The following SLF1 variants were observed in gnomAD, a reference collection of about 807,000 sequenced individuals.
SLF1 encodes the protein SMC5-SMC6 complex localization factor protein 1.
A neutral mutation model predicts 123.0 loss-of-function variants in SLF1; 105 were observed. That is an observed-to-expected ratio of 0.85 (90% CI 0.73 to 1.00). The LOEUF is 1.00. Among genes scored for constraint, SLF1 ranks in the 50% least tolerant of loss-of-function variants. The pLI, the probability that SLF1 is intolerant of heterozygous loss-of-function variation, is 0.00. For missense variants in SLF1, 1,239 were observed against 1,223.0 expected (o/e 1.01, Z -0.20); for synonymous variants, 434 against 406.6 (o/e 1.07, Z -0.81).
intron 14 of SLF1, among the ~76,000 whole-genome samples, chr5:94,672,599 G>A (rs1175642464): frequency 6.6e-6 from 1 of 151,546 alleles, no homozygotes; most frequent in Non-Finnish European, 1.5e-5. Context: ...CTTCAGCTAT[G>A]TCCAGTATAT....
chr5:94,667,172 C>T (rs949406699), intron 12 of SLF1, among the ~76,000 whole-genome samples: 10 of 152,148 alleles, frequency 6.6e-5, no homozygotes, highest in African/African-American at 1.7e-4. Flanking sequence ...TGAGTACTTA[C>T]GGAGAGCCAG....
intron 5 of SLF1, among the ~76,000 whole-genome samples, chr5:94,649,028 C>G (rs1747383719): frequency 6.6e-6 from 1 of 152,038 alleles, no homozygotes; most frequent in Non-Finnish European, 1.5e-5. Context: ...GTAACCTTTT[C>G]CTCTCTATGT....
intron 14 of SLF1, among the ~76,000 whole-genome samples, chr5:94,672,352 T>C (rs903331859): frequency 6.6e-6 from 1 of 152,108 alleles, no homozygotes; most frequent in African/African-American, 2.4e-5. Context: ...AGATCCATTT[T>C]CTCTTCTCTA....
chr5:94,667,589 C>T (rs1217307838), intron 12 of SLF1, among the ~76,000 whole-genome samples: 2 of 152,132 alleles, frequency 1.3e-5, no homozygotes, highest in Non-Finnish European at 2.9e-5. Context: ...GAAGATGGTT[C>T]AGATTTCTTA....
Position 94,629,192 on chromosome 5 carries a change from T to A in SLF1, c.190+25T>A, listed in dbSNP as rs754216444. The stretch of plus-strand genomic sequence containing the variant: ...GGTAAGTTAACTGTCTTCCCCCAAC[T>A]TTTAAAAACAATCTTCGTGTTAAAG... On this transcript the variant is annotated intron_variant, in intron 3 of 20. Transcript: ENST00000265140. 2.6e-6 allele frequency: 4 copies of A among 1,521,316 alleles called. No homozygotes were observed. In the African/African-American group the frequency reaches 5.6e-5, roughly 21 times the overall value. The allele number at this position is 1,521,316 out of a possible 1,614,324, so 94.2% of individuals were successfully genotyped here.
At chr5:94,664,439 C>T (rs755261282) in intron 11 of SLF1, among the ~76,000 whole-genome samples, 1 of 152,248 alleles carries the variant, frequency 6.6e-6, no homozygotes, top group South Asian at 2.1e-4. Flanking sequence ...GGACTGTAGG[C>T]GCATGCCACC....
At chr5:94,635,300 A>G in intron 4 of SLF1, among the ~76,000 whole-genome samples, 1 of 132,290 alleles carries the variant, frequency 7.6e-6, no homozygotes, top group Non-Finnish European at 1.6e-5. Flanking sequence ...GTGTCCTCAG[A>G]GGTGAAGTTG....
At chr5:94,669,963 A>C (rs1307495657) in intron 12 of SLF1, among the ~76,000 whole-genome samples, 188 bp from the exon 13 acceptor site, 1 of 151,708 alleles carries the variant, frequency 6.6e-6, no homozygotes, top group East Asian at 1.9e-4. Flanking sequence ...AGAATTAAGT[A>C]CTCATGAGAT....
At position 94,627,743 on chromosome 5, in the gene SLF1, T is replaced by C. The variant is rs1297246700; in HGVS notation, c.1-1068T>C. 1.6e-4 allele frequency among the ~76,000 whole-genome samples: 24 copies of C among 151,162 alleles called. 1 individual carries two copies. The highest frequency in any genetic ancestry group is 1.6e-3 in the Admixed American group (24 of 15,164). On this transcript the variant is annotated intron_variant, in intron 1 of 20. Transcript: ENST00000265140. ...CAGTAACGTATACATATTTAATATG[T>C]GTCCACAGAGACTTTAAAGTCTCTG...
chr5:94,673,779 T>A (rs1190954259), intron 14 of SLF1, among the ~76,000 whole-genome samples: 1 of 151,622 alleles, frequency 6.6e-6, no homozygotes, highest in Non-Finnish European at 1.5e-5. Context: ...TAAAAAATAC[T>A]GTTTGTTTAG....
At chr5:94,654,789 G>C in intron 9 of SLF1, 37 bp downstream of exon 9, 1 of 1,429,910 alleles carries the variant, frequency 7.0e-7, no homozygotes, top group Non-Finnish European at 9.2e-7. Flanking sequence ...GTATAATATC[G>C]TGTCTTACTG....
chr5:94,670,071 C>A, intron 12 of SLF1, 80 bp from the exon 13 acceptor site: 1 of 1,348,210 alleles, frequency 7.4e-7, no homozygotes, highest in African/African-American at 1.5e-5. Flanking sequence ...CAGCAGTATT[C>A]TAGAAGGAGA....
At chr5:94,659,280 ATC>A (rs1748782717) in intron 9 of SLF1, among the ~76,000 whole-genome samples, 1 of 151,418 alleles carries the variant, frequency 6.6e-6, no homozygotes, top group Non-Finnish European at 1.5e-5. Flanking sequence ...GTACTTTTCT[ATC>A]TCACTGAGTT....
rs1220216554 is a variant in SLF1 at position 94,695,105 on chromosome 5, T to G, written c.2970T>G (p.Leu990=). 1.2e-6 allele frequency: 2 copies of G among 1,612,566 alleles called. No individual in the cohort carries two copies. The highest frequency in any genetic ancestry group is 2.2e-5 in the East Asian group (1 of 44,840). The change falls in exon 21 of 21, where the codon CTT becomes CTG. Residue 990 remains leucine (L), a synonymous_variant. Coordinates refer to ENST00000265140, the MANE Select transcript of SLF1 (RefSeq NM_032290.4). The part of the protein sequence containing the change: ...SKGLTHLNEL[L]MACKSHKETT... ...GGTTAACTCATCTAAATGAACTGCT[T>G]ATGGCTTGTAAAAGTCATAAAGAAA...
Position 94,651,827 on chromosome 5 carries a change from C to A in SLF1, c.864C>A (p.Ser288Arg), listed in dbSNP as rs6891545. Residue 288 changes from serine (S) to arginine (R), a missense_variant, in exon 7 of 21, where the codon AGC becomes AGA. By Grantham distance (110) the Ser-to-Arg change is moderately radical. Coordinates refer to ENST00000265140, the MANE Select transcript of SLF1 (RefSeq NM_032290.4). ...KFVKMRNTFG[S>R]HTYENQKEIK... ...TTAAAATGAGAAATACCTTTGGAAGCCATACATATGAAAATCAGGTACAAC... is the reference window on the plus strand; with the variant it reads ...TTAAAATGAGAAATACCTTTGGAAGACATACATATGAAAATCAGGTACAAC... 291,846 of 1,408,508 alleles carry A rather than the reference C, an allele frequency of 0.21. 32,079 individuals are homozygous for A. Among genetic ancestry groups the A allele is most frequent in the East Asian group, 0.33 (12,651 of 37,844 alleles). 87.3% of individuals were successfully genotyped at this position (1,408,508 alleles called of 1,614,324 possible). A position where few individuals can be genotyped will look rare whatever the true frequency, so the allele number is the denominator to read the frequency against.
chr5:94,686,793 A>G lies in SLF1; in HGVS notation c.2121+75A>G. 3 of 1,442,004 alleles carry G rather than the reference A, an allele frequency of 2.1e-6. No homozygotes were observed. The South Asian group carries it at 4.0e-5, about 19-fold the overall frequency. 89.3% of individuals were successfully genotyped at this position (1,442,004 alleles called of 1,614,324 possible). A position where few individuals can be genotyped will look rare whatever the true frequency, so the allele number is the denominator to read the frequency against. ...CAAACTCAATTTTATTTATTTAGTT[A>G]TTTATTTATTTTGAGATGGAGGCTT... On this transcript the variant is annotated intron_variant, in intron 16 of 20. Coordinates refer to ENST00000265140, the MANE Select transcript of SLF1 (RefSeq NM_032290.4).
chr5:94,654,170 C>CA (rs1748096271), intron 8 of SLF1, among the ~76,000 whole-genome samples: 1 of 151,698 alleles, frequency 6.6e-6, no homozygotes, highest in African/African-American at 2.4e-5. Context: ...GACCCCATCT[C>CA]AAAAATAAAT....
Position 94,688,488 on chromosome 5 carries a change from A to AAT in SLF1, c.2122-15_2122-14dup, listed in dbSNP as rs756475509. 3.6e-5 allele frequency: 57 copies of AAT among 1,605,480 alleles called. No homozygotes were observed. The highest frequency in any genetic ancestry group is 1.7e-4 in the Middle Eastern group (1 of 6,050). On this transcript the variant is annotated splice_polypyrimidine_tract_variant and intron_variant, in intron 16 of 20. Coordinates refer to ENST00000265140, the MANE Select transcript of SLF1 (RefSeq NM_032290.4). ...GTTTTTGTAGTTGAGAAAATAATGC[A>AAT]ATATTATTTTTCAACAGGTATATTC...
At chr5:94,683,680 A>T (rs556389887) in intron 15 of SLF1, among the ~76,000 whole-genome samples, 1 of 152,306 alleles carries the variant, frequency 6.6e-6, no homozygotes, top group Admixed American at 6.5e-5. Flanking sequence ...GCTGATGGGA[A>T]GAGAGGCCAG....
Sources: allele counts gnomAD v4.1 joint callset (sites outside exome capture counted in the v4.1 genomes callset), GRCh38; gene constraint gnomAD v4.1.1; transcripts MANE v1.5; gene names NCBI Gene and HGNC (gene_info 2026-07-23, HGNC 2026-07-21).